The following BORCS5 variants were observed in gnomAD, a reference collection of about 807,000 sequenced individuals.
BORCS5 encodes the protein BLOC-1 related complex subunit 5.
A neutral mutation model predicts 22.1 loss-of-function variants in BORCS5; 17 were observed. That is an observed-to-expected ratio of 0.77 (90% CI 0.53 to 1.15). The LOEUF (loss-of-function observed/expected upper bound fraction) is 1.15, where lower values mean the gene tolerates loss of function less well. Among genes scored for constraint, BORCS5 ranks in the 50% most tolerant of loss-of-function variants. BORCS5 has a pLI of 0.00. For synonymous variants in BORCS5, 117 were observed against 99.8 expected, an observed-to-expected ratio of 1.17 and a Z score of -1.03; for missense variants, 247 against 253.2, an observed-to-expected ratio of 0.98 and a Z score of 0.17.
chr12:12,435,598 A>C (rs1942537272), intron 2 of BORCS5, 30 bp from the exon 3 acceptor site: 1 of 1,585,058 alleles, frequency 6.3e-7, no homozygotes, highest in Non-Finnish European at 8.6e-7. Context: ...CAGTAATTTT[A>C]ATTTCATTTC....
At chr12:12,439,656 AG>A (rs1234225202) in intron 3 of BORCS5, among the ~76,000 whole-genome samples, 3 of 152,224 alleles carry the variant, frequency 2.0e-5, no homozygotes, top group Non-Finnish European at 4.4e-5. Flanking sequence ...TTCTGTTTGA[AG>A]AACTTTGGGA....
intron 2 of BORCS5, among the ~76,000 whole-genome samples, chr12:12,407,901 G>A (rs1461448802): frequency 1.3e-5 from 2 of 151,834 alleles, no homozygotes; most frequent in African/African-American, 4.8e-5. Context: ...GTAGAGACGG[G>A]GTTTCACCAT....
At chr12:12,379,904 C>T (rs1863739522) in intron 2 of BORCS5, among the ~76,000 whole-genome samples, 1 of 151,384 alleles carries the variant, frequency 6.6e-6, no homozygotes, top group Non-Finnish European at 1.5e-5. Flanking sequence ...TTGAACATAC[C>T]TTCCTCACTC....
chr12:12,395,227 G>A (rs1941305278), intron 2 of BORCS5, among the ~76,000 whole-genome samples: 1 of 151,768 alleles, frequency 6.6e-6, no homozygotes, highest in Non-Finnish European at 1.5e-5. Flanking sequence ...TGACCAAAGA[G>A]AAGGCTGCAA....
In BORCS5 at chr12:12,357,347, C is replaced by G; in HGVS notation, c.-105C>G. The stretch of plus-strand genomic sequence containing the variant: ...TTAGCCTCGCTGCGGCGCCCAGACT[C>G]TGCTTTGCCTCCCCGTCCCGGTCCC... On this transcript the variant is annotated 5_prime_UTR_variant, in exon 1 of 4. Transcript: ENST00000314565. 1 of 1,497,702 alleles carries G rather than the reference C, an allele frequency of 6.7e-7. No individual in the cohort carries two copies. Among genetic ancestry groups the G allele is most frequent in the Non-Finnish European group, 9.0e-7 (1 of 1,117,144 alleles). 92.8% of individuals were successfully genotyped at this position (1,497,702 alleles called of 1,614,324 possible).
At chr12:12,456,701 CAT>C (rs1388305365) in intron 3 of BORCS5, among the ~76,000 whole-genome samples, 11 of 151,828 alleles carry the variant, frequency 7.2e-5, no homozygotes, top group Non-Finnish European at 1.3e-4. Context: ...CATGGCTAAA[CAT>C]ATAGATTAAA....
At chr12:12,395,656 T>C (rs1941320252) in intron 2 of BORCS5, among the ~76,000 whole-genome samples, 2 of 152,078 alleles carry the variant, frequency 1.3e-5, no homozygotes, top group South Asian at 4.1e-4. Context: ...TTGAAGTTGA[T>C]GCCATAAGAA....
chr12:12,368,642 ACT>A (rs1186767608), intron 2 of BORCS5, among the ~76,000 whole-genome samples: 3 of 147,356 alleles, frequency 2.0e-5, no homozygotes, highest in African/African-American at 7.7e-5. Flanking sequence ...ATGGGGTGTC[ACT>A]CTGTTGTCCA....
chr12:12,419,718 C>G (rs752330135), intron 2 of BORCS5, among the ~76,000 whole-genome samples: 2 of 152,178 alleles, frequency 1.3e-5, no homozygotes, highest in Non-Finnish European at 2.9e-5. Context: ...TGTTTCATGA[C>G]TTTTTAATGA....
chr12:12,360,936 G>A (rs113551213), intron 1 of BORCS5, among the ~76,000 whole-genome samples: 5,899 of 152,230 alleles, frequency 0.039, 145 homozygotes, highest in Middle Eastern at 0.078. Context: ...GGCCAGGCTG[G>A]TCTTGAACTG....
At chr12:12,457,358 G>A (rs1281686042) in intron 3 of BORCS5, among the ~76,000 whole-genome samples, 1 of 152,190 alleles carries the variant, frequency 6.6e-6, no homozygotes, top group African/African-American at 2.4e-5. Flanking sequence ...AGCGATGTAT[G>A]TATATTTTAG....
intron 2 of BORCS5, among the ~76,000 whole-genome samples, chr12:12,395,543 T>C (rs1486429961): frequency 6.7e-6 from 1 of 148,894 alleles, no homozygotes; most frequent in Non-Finnish European, 1.5e-5. Context: ...TGCCTTGGCC[T>C]CCCAGCGTGC....
chr12:12,396,697 T>C (rs946461444), intron 2 of BORCS5, among the ~76,000 whole-genome samples: 8 of 152,200 alleles, frequency 5.3e-5, no homozygotes, highest in African/African-American at 1.9e-4. Flanking sequence ...AGTTCATCCT[T>C]CTGGGTCTGT....
intron 2 of BORCS5, among the ~76,000 whole-genome samples, chr12:12,424,257 A>T (rs527811657): frequency 1.3e-5 from 2 of 150,988 alleles, no homozygotes; most frequent in South Asian, 2.1e-4. Context: ...TGTTCCTCAG[A>T]CTAGATAGTA....
intron 2 of BORCS5, among the ~76,000 whole-genome samples, chr12:12,370,597 C>T (rs1269823030): frequency 2.0e-5 from 3 of 152,182 alleles, no homozygotes; most frequent in Non-Finnish European, 2.9e-5. Flanking sequence ...ATAGGTTTCT[C>T]ATCTCCCCAT....
At chr12:12,382,823 G>A (rs1211089375) in intron 2 of BORCS5, among the ~76,000 whole-genome samples, 3 of 151,164 alleles carry the variant, frequency 2.0e-5, no homozygotes, top group Non-Finnish European at 3.0e-5. Context: ...GTGAGCCACC[G>A]TGCCCAGTGG....
At chr12:12,362,132 A>T (rs6488517) in intron 2 of BORCS5, among the ~76,000 whole-genome samples, 123,582 of 152,164 alleles carry the variant, frequency 0.81, 51,437 homozygotes, top group East Asian at 0.99. Context: ...TAGCTATTTG[A>T]ATTAAAATGC....
chr12:12,431,337 G>T (rs1454259793), intron 2 of BORCS5, among the ~76,000 whole-genome samples: 1 of 150,956 alleles, frequency 6.6e-6, no homozygotes, highest in Non-Finnish European at 1.5e-5. Flanking sequence ...TATAGTTGAG[G>T]TATTGGTATT....
chr12:12,435,838 A>G, intron 3 of BORCS5, 53 bp downstream of exon 3: 1 of 1,549,760 alleles, frequency 6.5e-7, no homozygotes, highest in South Asian at 1.2e-5. Flanking sequence ...GATTCTCTGC[A>G]ACTCTGGATG....
Sources: gnomAD v4.1 joint callset for allele counts (sites outside exome capture counted in the v4.1 genomes callset) on GRCh38, gnomAD v4.1.1 for gene constraint, MANE v1.5 for transcripts, NCBI Gene and HGNC (gene_info 2026-07-23, HGNC 2026-07-21) for gene names.